The following ALG9 variants were observed in gnomAD, a reference collection of about 807,000 sequenced individuals.
The protein encoded by ALG9 is ALG9 alpha-1,2-mannosyltransferase, also known as alpha-1,2-mannosyltransferase ALG9.
Under a neutral mutation model 81.8 loss-of-function variants are expected in ALG9, and 55 were observed. The ratio of observed to expected loss-of-function variants is 0.67; its 90% CI spans 0.54 to 0.84. ALG9 has a LOEUF of 0.84. Ranked by LOEUF, ALG9 falls within the 40% of genes least tolerant of loss-of-function variation. The pLI is 0.00. For synonymous variants in ALG9, 278 were observed against 274.3 expected (o/e 1.01, Z -0.13); for missense variants, 629 against 745.0 (o/e 0.84, Z 1.81).
At chr11:111,846,775 G>A (rs1957008110) in intron 8 of ALG9, among the ~76,000 whole-genome samples, 1 of 152,170 alleles carries the variant, frequency 6.6e-6, no homozygotes, top group Non-Finnish European at 1.5e-5. Context: ...ATCTGCCTTA[G>A]GAAAGCAAAG....
intron 13 of ALG9, among the ~76,000 whole-genome samples, chr11:111,817,008 A>G (rs552693635): frequency 5.3e-5 from 8 of 152,354 alleles, no homozygotes; most frequent in African/African-American, 1.7e-4. Flanking sequence ...GTTGGTAATA[A>G]AAGTTAAAGA....
At chr11:111,816,770 G>C (rs1555097670) in intron 13 of ALG9, among the ~76,000 whole-genome samples, 1 of 152,078 alleles carries the variant, frequency 6.6e-6, no homozygotes, top group Non-Finnish European at 1.5e-5. Flanking sequence ...AACTTTTCGA[G>C]GTCAGTCTTG....
intron 13 of ALG9, among the ~76,000 whole-genome samples, chr11:111,826,756 G>A (rs1953375213): frequency 6.6e-6 from 1 of 152,148 alleles, no homozygotes; most frequent in Non-Finnish European, 1.5e-5. Context: ...ATATCCTTCA[G>A]TTCTGGGGAT....
At chr11:111,843,090 A>G (rs1027260100) in intron 9 of ALG9, among the ~76,000 whole-genome samples, 6 of 152,194 alleles carry the variant, frequency 3.9e-5, no homozygotes, top group Middle Eastern at 3.2e-3. Flanking sequence ...CAGCTATCAT[A>G]AATTATTTTT....
At chr11:111,789,899 G>A (rs1947131362) in intron 14 of ALG9, among the ~76,000 whole-genome samples, 1 of 151,470 alleles carries the variant, frequency 6.6e-6, no homozygotes. Flanking sequence ...TATTTTCCTG[G>A]TAGGCTGATA....
rs551636184 is a variant in ALG9 at position 111,871,228 on chromosome 11, G to C, written c.131+124C>G. On this transcript the variant is annotated intron_variant, in intron 1 of 14. Coordinates refer to ENST00000616540, the MANE Select transcript of ALG9 (RefSeq NM_024740.2). The stretch of plus-strand genomic sequence containing the variant: ...CCAATAGGACCTAGCTGAAGAGGGA[G>C]CTCGGGCCTCCCGCGGTGAGGCCAG... 32 of 1,313,812 alleles carry C rather than the reference G, an allele frequency of 2.4e-5. No individual in the cohort carries two copies. The African/African-American group carries it at 4.7e-4, about 19-fold the overall frequency. 81.4% of individuals were successfully genotyped at this position (1,313,812 alleles called of 1,614,324 possible). A position where few individuals can be genotyped will look rare whatever the true frequency, so the allele number is the denominator to read the frequency against.
At chr11:111,788,370 G>A in intron 14 of ALG9, 1 of 453,766 alleles carries the variant, frequency 2.2e-6, no homozygotes. Flanking sequence ...AGAGAAAGGA[G>A]GTTTGGAGAA....
chr11:111,773,758 C>CTTT, the ALG9 span, among the ~76,000 whole-genome samples: 5 of 139,474 alleles, frequency 3.6e-5, no homozygotes, highest in Admixed American at 1.4e-4. Flanking sequence ...TTTGTTTTTG[C>CTTT]TTTTTTTTTT....
chr11:111,811,006 A>G (rs1555090850), intron 13 of ALG9, among the ~76,000 whole-genome samples: 1 of 152,198 alleles, frequency 6.6e-6, no homozygotes, highest in Non-Finnish European at 1.5e-5. Context: ...GGCAGAAGAA[A>G]CAGAAAGGAA....
chr11:111,780,915 T>C (rs1254517456), downstream of ALG9, among the ~76,000 whole-genome samples: 2 of 152,180 alleles, frequency 1.3e-5, no homozygotes, highest in East Asian at 1.9e-4. Context: ...CAGGGTCGCA[T>C]GGTTTATATG....
rs1555151758 is a variant in ALG9 at position 111,865,257 on chromosome 11, A to G, written c.406-6T>C. On this transcript the variant is annotated splice_polypyrimidine_tract_variant and splice_region_variant and intron_variant, in intron 3 of 14. Coordinates refer to ENST00000616540, the MANE Select transcript of ALG9 (RefSeq NM_024740.2). ...AAAAAGTAAAACACAAGAATCTAAAAGAAACCCAGAAAAAGAAAACAGAAG... is the reference window on the plus strand; with the variant it reads ...AAAAAGTAAAACACAAGAATCTAAAGGAAACCCAGAAAAAGAAAACAGAAG... 6 of 1,549,456 alleles carry G rather than the reference A, an allele frequency of 3.9e-6. No individual in the cohort carries two copies. The highest frequency in any genetic ancestry group is 1.7e-4 in the Middle Eastern group (1 of 5,970).
At chr11:111,851,135 A>T (rs1346321992) in intron 8 of ALG9, among the ~76,000 whole-genome samples, 5 of 152,028 alleles carry the variant, frequency 3.3e-5, no homozygotes, top group Non-Finnish European at 5.9e-5. Context: ...TTAAATCAGA[A>T]TTTATTCCTT....
intron 14 of ALG9, among the ~76,000 whole-genome samples, chr11:111,801,924 C>T (rs1190357672): frequency 1.3e-5 from 2 of 152,174 alleles, no homozygotes; most frequent in East Asian, 1.9e-4. Context: ...TAGAGCCCTA[C>T]CCCCAAATAC....
intron 11 of ALG9, 92 bp downstream of exon 11, chr11:111,838,156 TA>T: frequency 6.7e-7 from 1 of 1,487,820 alleles, no homozygotes; most frequent in Non-Finnish European, 9.3e-7. Context: ...CTTCTTAGTA[TA>T]AGCCAAATAT....
chr11:111,824,908 C>T (rs894773436), intron 13 of ALG9, among the ~76,000 whole-genome samples: 1 of 152,164 alleles, frequency 6.6e-6, no homozygotes, highest in Admixed American at 6.5e-5. Flanking sequence ...ACAGAGAATT[C>T]GGAAACATCT....
intron 10 of ALG9, 87 bp downstream of exon 10, chr11:111,840,568 G>T (rs1208059203): frequency 1.4e-6 from 2 of 1,472,892 alleles, no homozygotes; most frequent in African/African-American, 2.8e-5. Flanking sequence ...TTAGGTGGAA[G>T]CATTCTGTAA....
chr11:111,788,510 G>A (rs1555067319), intron 14 of ALG9: 3 of 451,102 alleles, frequency 6.7e-6, no homozygotes, highest in Non-Finnish European at 1.3e-5. Context: ...TTGAGAGGCT[G>A]AGGTGGGAGG....
intron 10 of ALG9, among the ~76,000 whole-genome samples, chr11:111,839,441 C>T (rs1246705666): frequency 3.3e-5 from 5 of 151,770 alleles, no homozygotes; most frequent in East Asian, 1.9e-4. Flanking sequence ...AAAAATTAGC[C>T]GGGCGTGGTG....
chr11:111,811,776 ATGAAATGTTC>A (rs1950750268), intron 13 of ALG9, among the ~76,000 whole-genome samples: 1 of 152,172 alleles, frequency 6.6e-6, no homozygotes, highest in South Asian at 2.1e-4. Context: ...TTCCATTTAT[ATGAAATGTTC>A]GTAATAGGCA....
Sources: gnomAD v4.1 joint callset for allele counts (sites outside exome capture counted in the v4.1 genomes callset) on GRCh38, gnomAD v4.1.1 for gene constraint, MANE v1.5 for transcripts, NCBI Gene and HGNC (gene_info 2026-07-23, HGNC 2026-07-21) for gene names.